VWA5A: variants seen among roughly 807,000 people sequenced by gnomAD.
The protein encoded by VWA5A is von Willebrand factor A domain-containing protein 5A.
In VWA5A, 77 loss-of-function variants were observed where a neutral mutation model predicts 84.6. That is an observed-to-expected ratio of 0.91 (90% CI 0.76 to 1.10). VWA5A has a LOEUF of 1.10. Ranked by LOEUF, VWA5A falls within the 50% of genes least tolerant of loss-of-function variation. The probability of loss-of-function intolerance (pLI) is 0.00; values close to 1 mark genes in which losing one functional copy is unlikely to be tolerated. For synonymous variants in VWA5A, 334 were observed against 350.1 expected (o/e 0.95, Z 0.51); for missense variants, 973 against 963.0 (o/e 1.01, Z -0.14).
At chr11:124,117,406 A>G in intron 2 of VWA5A, 91 bp from the exon 3 acceptor site, 1 of 1,230,430 alleles carries the variant, frequency 8.1e-7, no homozygotes, top group Non-Finnish European at 1.2e-6. Context: ...CTTTGAATGT[A>G]TTCTTATGCC....
At chr11:124,120,620 A>G (rs1461539697) in intron 7 of VWA5A, among the ~76,000 whole-genome samples, 1 of 152,120 alleles carries the variant, frequency 6.6e-6, no homozygotes, top group Non-Finnish European at 1.5e-5. Flanking sequence ...CAAGCTCTCC[A>G]TGCTAAGGTC....
intron 11 of VWA5A, among the ~76,000 whole-genome samples, chr11:124,133,194 G>A (rs1035866208): frequency 3.3e-5 from 5 of 152,184 alleles, no homozygotes; most frequent in African/African-American, 1.2e-4. Context: ...TCCAGTCAGG[G>A]TCTGATGAAC....
intron 11 of VWA5A, among the ~76,000 whole-genome samples, chr11:124,125,672 G>A (rs995652617): frequency 3.9e-5 from 6 of 152,132 alleles, no homozygotes; most frequent in African/African-American, 9.7e-5. Context: ...GTCCTCTTTT[G>A]TGATGTGCTT....
chr11:124,144,430 T>C (rs970372824), intron 17 of VWA5A, among the ~76,000 whole-genome samples: 2 of 152,176 alleles, frequency 1.3e-5, no homozygotes, highest in Non-Finnish European at 2.9e-5. Context: ...GGAGATATAT[T>C]TTTAAAATCA....
rs1183953412 is a variant in VWA5A at position 124,136,231 on chromosome 11, C to G, written c.1462C>G (p.Gln488Glu). The G allele has an allele frequency of 1.2e-6, 2 of 1,614,196 alleles. No homozygotes were observed. The highest frequency in any genetic ancestry group is 2.2e-5 in the South Asian group (2 of 91,078). ...GLSAKMLSPE[Q>E]TVIFRGQRLI... ...GTCTGCTAAAATGCTTTCCCCAGAA[C>G]AGACTGTCATCTTTAGGGGTCAGAG... is the stretch of plus-strand genomic sequence containing the variant. The change falls in exon 13 of 19, where the codon CAG becomes GAG. Residue 488 changes from glutamine to glutamate, a missense_variant. Gln to Glu is a conservative substitution (Grantham distance 29, BLOSUM62 2). Coordinates refer to ENST00000456829, the MANE Select transcript of VWA5A (RefSeq NM_001130142.2).
chr11:124,116,554 T>G lies in VWA5A; in HGVS notation c.-130-12T>G, dbSNP rs998213246. 7 of 152,244 alleles carry G rather than the reference T, an allele frequency of 4.6e-5. No individual in the cohort carries two copies. The highest frequency in any genetic ancestry group is 1.7e-4 in the African/African-American group (7 of 41,390). 9.4% of individuals were successfully genotyped at this position (152,244 alleles called of 1,614,324 possible). ...TGCTTAATGTGTTATTAGAAATTCT[T>G]CCCTCCCCCAGCCCAGCCTGTTCTA... On this transcript the variant is annotated splice_polypyrimidine_tract_variant and intron_variant, in intron 1 of 18. Transcript: ENST00000456829.
At chr11:124,132,081 T>C (rs986003751) in intron 11 of VWA5A, among the ~76,000 whole-genome samples, 1 of 152,076 alleles carries the variant, frequency 6.6e-6, no homozygotes, top group Non-Finnish European at 1.5e-5. Context: ...ATCAAATGTA[T>C]TTTATGCATC....
intron 11 of VWA5A, among the ~76,000 whole-genome samples, chr11:124,125,164 A>T (rs893217688): frequency 6.6e-6 from 1 of 152,198 alleles, no homozygotes; most frequent in South Asian, 2.1e-4. Flanking sequence ...TTTCCAAATG[A>T]TTGTACTAAT....
rs369027686 is a variant in VWA5A at position 124,137,218 on chromosome 11, G to A, written c.1829G>A (p.Arg610Lys). Residue 610 changes from arginine to lysine, a missense_variant, in exon 15 of 19, where the codon AGG (arginine) becomes AAG (lysine). Transcript: ENST00000456829. Reference protein sequence around the residue: ...QGPLAHRDVPRPILLGASAPL... With the variant: ...QGPLAHRDVPKPILLGASAPL... ...CCTCTGGCTCATAGGGACGTCCCAA[G>A]GCCAATTCTGTTGGGTGCTTCTGCC... is the stretch of plus-strand genomic sequence containing the variant. 22 of 1,614,136 alleles carry A rather than the reference G, an allele frequency of 1.4e-5. No individual in the cohort carries two copies. In the East Asian group the frequency reaches 1.8e-4, roughly 13 times the overall value.
intron 11 of VWA5A, 60 bp downstream of exon 11, chr11:124,124,376 T>A: frequency 6.3e-7 from 1 of 1,575,838 alleles, no homozygotes; most frequent in Middle Eastern, 1.7e-4. Context: ...CAGACTCTAG[T>A]GCTACATGAT....
chr11:124,136,599 G>A lies in VWA5A; in HGVS notation c.1550G>A (p.Cys517Tyr). 6.2e-7 allele frequency: 1 copy of A among 1,614,092 alleles called. No individual in the cohort carries two copies. Among genetic ancestry groups the A allele is most frequent in the Non-Finnish European group, 8.5e-7 (1 of 1,180,006 alleles). Residue 517 changes from cysteine (C) to tyrosine (Y), a missense_variant, in exon 14 of 19, where the codon TGC (cysteine) becomes TAC (tyrosine). Cys to Tyr is a radical substitution (Grantham distance 194). Coordinates refer to ENST00000456829, the MANE Select transcript of VWA5A (RefSeq NM_001130142.2). The part of the protein sequence containing the change: ...MPAAETTGEV[C>Y]LKYTLQGKTF... ...GCAGCAGAGACAACAGGAGAAGTATGCCTCAAATATACACTCCAGGGCAAG... is the reference window on the plus strand; with the variant it reads ...GCAGCAGAGACAACAGGAGAAGTATACCTCAAATATACACTCCAGGGCAAG...
chr11:124,138,145 G>A (rs979376031), intron 15 of VWA5A, among the ~76,000 whole-genome samples: 2 of 152,078 alleles, frequency 1.3e-5, no homozygotes, highest in African/African-American at 2.4e-5. Context: ...ACAGAATTTT[G>A]TTCTTTTTTA....
rs1864887654 is a variant in VWA5A at position 124,118,995 on chromosome 11, C to A, written c.666C>A (p.His222Gln). 4.3e-6 allele frequency: 7 copies of A among 1,614,066 alleles called. No homozygotes were observed. In the Admixed American group the frequency reaches 1.2e-4, roughly 27 times the overall value. Residue 222 changes from histidine to glutamine, a missense_variant, in exon 7 of 19, where the codon CAC becomes CAA. Physicochemically the swap from His to Gln is conservative, Grantham distance 24. Transcript: ENST00000456829. Reference sequence around the variant, plus strand: ...CTCAGGTTTCCCTGGCTGCTGGACACAAGTTTGATCGGGACGTGGAACTCC... The same window carrying A: ...CTCAGGTTTCCCTGGCTGCTGGACAAAAGTTTGATCGGGACGTGGAACTCC... ...TSAQVSLAAG[H>Q]KFDRDVELLI...
chr11:124,141,893 C>T, intron 16 of VWA5A, 152 bp downstream of exon 16: 1 of 1,146,830 alleles, frequency 8.7e-7, no homozygotes, highest in Non-Finnish European at 1.2e-6. Flanking sequence ...CATTCCTCCA[C>T]CCACAGAACC....
intron 12 of VWA5A, among the ~76,000 whole-genome samples, chr11:124,135,691 C>G (rs950367559): frequency 1.3e-5 from 2 of 149,614 alleles, no homozygotes; most frequent in African/African-American, 5.0e-5. Context: ...CCACTACGCC[C>G]GGCTAATTTT....
At chr11:124,116,320 G>A (rs2137621190) in intron 1 of VWA5A, 1 of 152,486 alleles carries the variant, frequency 6.6e-6, no homozygotes, top group South Asian at 2.1e-4. Flanking sequence ...GTACTGGGAA[G>A]AGTGGGGGCA....
intron 9 of VWA5A, 53 bp downstream of exon 9, chr11:124,123,507 G>A: frequency 6.2e-7 from 1 of 1,605,312 alleles, no homozygotes; most frequent in Non-Finnish European, 8.5e-7. Flanking sequence ...TAAAGAAAGG[G>A]ACTAAATTGT....
chr11:124,134,920 G>A lies in VWA5A; in HGVS notation c.1245G>A (p.Arg415=). 2 of 1,611,272 alleles carry A rather than the reference G, an allele frequency of 1.2e-6. No homozygotes were observed. Among genetic ancestry groups the A allele is most frequent in the South Asian group, 2.2e-5 (2 of 90,442 alleles). ...KEVRINRQKH[R]CFSFGIGEGT... is the part of the protein sequence containing the mutation. ...AACCTCTGTCCTGTTACAATTGCAGGTGTTTCTCATTTGGTATTGGAGAAG... is the reference window on the plus strand; with the variant it reads ...AACCTCTGTCCTGTTACAATTGCAGATGTTTCTCATTTGGTATTGGAGAAG... The change falls in exon 12 of 19, where the codon AGG becomes AGA. Residue 415 remains arginine (R), a splice_region_variant and synonymous_variant. Transcript: ENST00000456829.
chr11:124,136,028 A>G, intron 12 of VWA5A, 101 bp from the exon 13 acceptor site: 5 of 1,320,444 alleles, frequency 3.8e-6, no homozygotes, highest in Non-Finnish European at 4.2e-6. Flanking sequence ...TAGGCATGAC[A>G]TGTATTATGT....
Sources: gnomAD v4.1 joint callset for allele counts (sites outside exome capture counted in the v4.1 genomes callset) on GRCh38, gnomAD v4.1.1 for gene constraint, MANE v1.5 for transcripts, NCBI Gene and HGNC (gene_info 2026-07-23, HGNC 2026-07-21) for gene names.